The following CNTN1 variants were observed in gnomAD, a reference collection of about 807,000 sequenced individuals.
The protein encoded by CNTN1 is contactin 1.
Under a neutral mutation model 126.4 loss-of-function variants are expected in CNTN1, and 38 were observed. That is an observed-to-expected ratio of 0.30 (90% confidence interval 0.23 to 0.39). The LOEUF is 0.39. CNTN1 is among the 10% of genes least tolerant of loss of function. CNTN1 has a pLI of 1.00. For synonymous variants in CNTN1, 413 were observed against 422.6 expected (o/e 0.98, Z 0.28); for missense variants, 1,009 against 1,248.4 (o/e 0.81, Z 2.89).
Position 40,943,642 on chromosome 12 carries a change from A to T in CNTN1, c.1425A>T (p.Thr475=). Residue 475 remains threonine, a synonymous_variant, in exon 13 of 24, where the codon ACA becomes ACT. Coordinates refer to ENST00000551295, the MANE Select transcript of CNTN1 (RefSeq NM_001843.4). ...GTAGCTTGGAAATCAACAACATTAC[A>T]AGGAATGATGGAGGTATCTATACAT... ...EDGSLEINNI[T]RNDGGIYTCF... The T allele has an allele frequency of 6.2e-7, 1 of 1,602,840 alleles. No homozygotes were observed. The highest frequency in any genetic ancestry group is 8.5e-7 in the Non-Finnish European group (1 of 1,170,046).
intron 18 of CNTN1, among the ~76,000 whole-genome samples, chr12:41,016,353 G>A (rs1948780121): frequency 6.6e-6 from 1 of 152,084 alleles, no homozygotes; most frequent in Admixed American, 6.5e-5. Context: ...CGGAGAAAAC[G>A]TCGAGGTGAT....
At chr12:40,743,647 G>A (rs749967870) in intron 1 of CNTN1, among the ~76,000 whole-genome samples, 4 of 151,878 alleles carry the variant, frequency 2.6e-5, no homozygotes, top group Non-Finnish European at 5.9e-5. Flanking sequence ...GTAATGGGTT[G>A]TTTTGTTTTT....
At chr12:40,935,367 A>T (rs1946045383) in intron 9 of CNTN1, among the ~76,000 whole-genome samples, 1 of 152,130 alleles carries the variant, frequency 6.6e-6, no homozygotes, top group African/African-American at 2.4e-5. Flanking sequence ...TAAAATTTTG[A>T]ACTGTCTAAT....
rs61187240 is a variant in CNTN1, at chr12:40,872,212, T to TTGTGTG, written c.-76-36101_-76-36096dup. On this transcript the variant is annotated intron_variant, in intron 1 of 23. Coordinates refer to ENST00000551295, the MANE Select transcript of CNTN1 (RefSeq NM_001843.4). ...CGGTAGGGTTTTTCCGTTGCTTTGT[T>TTGTGTG]TGTGTGTGTGTGTGTGTGTGTGTGT... Among the ~76,000 whole-genome samples the TTGTGTG allele has an allele frequency of 5.1e-3, 583 of 113,576 alleles. 2 individuals carry two copies. Among genetic ancestry groups the TTGTGTG allele is most frequent in the South Asian group, 0.012 (41 of 3,400 alleles). 74.5% of individuals were successfully genotyped at this position (113,576 alleles called of 152,430 possible).
At chr12:40,710,022 T>C (rs181305095) in intron 1 of CNTN1, among the ~76,000 whole-genome samples, 44 of 152,316 alleles carry the variant, frequency 2.9e-4, no homozygotes, top group African/African-American at 1.0e-3. Flanking sequence ...TTTCTTAGCT[T>C]TCCACATAGC....
chr12:40,831,121 A>T (rs1436943061), intron 1 of CNTN1, among the ~76,000 whole-genome samples: 1 of 146,566 alleles, frequency 6.8e-6, no homozygotes, highest in African/African-American at 2.5e-5. Context: ...TACTATATAT[A>T]CTGTAAATAT....
chr12:40,941,709 T>C (rs899243202), intron 12 of CNTN1, among the ~76,000 whole-genome samples: 2 of 152,074 alleles, frequency 1.3e-5, no homozygotes, highest in African/African-American at 2.4e-5. Flanking sequence ...GGGATCTTCA[T>C]TAGTCTTTTC....
At chr12:40,828,977 T>G (rs7975149) in intron 1 of CNTN1, among the ~76,000 whole-genome samples, 63,741 of 151,918 alleles carry the variant, frequency 0.42, 13,667 homozygotes, top group East Asian at 0.68. Context: ...TTATTTCTTG[T>G]TTTTTTAAAA....
chr12:40,792,326 C>A (rs1200440042), intron 1 of CNTN1, among the ~76,000 whole-genome samples: 1 of 151,974 alleles, frequency 6.6e-6, no homozygotes, highest in South Asian at 2.1e-4. Flanking sequence ...GGAGGCAATG[C>A]TTATTTTACT....
At chr12:40,785,289 C>G (rs1939968443) in intron 1 of CNTN1, among the ~76,000 whole-genome samples, 1 of 152,076 alleles carries the variant, frequency 6.6e-6, no homozygotes, top group African/African-American at 2.4e-5. Flanking sequence ...AAGCATGGTG[C>G]CAGCATCTCC....
intron 1 of CNTN1, among the ~76,000 whole-genome samples, chr12:40,890,722 G>T (rs561112714): frequency 6.6e-6 from 1 of 151,990 alleles, no homozygotes; most frequent in Non-Finnish European, 1.5e-5. Context: ...CCATGGCCTC[G>T]TTGTACCACA....
intron 1 of CNTN1, among the ~76,000 whole-genome samples, chr12:40,855,442 A>AT (rs748388466): frequency 1.3e-4 from 19 of 151,906 alleles, no homozygotes; most frequent in Non-Finnish European, 8.8e-5. Flanking sequence ...ATTTTGTGCC[A>AT]TTTTTTTCTT....
chr12:41,055,837 C>T (rs933300709), intron 23 of CNTN1, among the ~76,000 whole-genome samples: 1 of 152,146 alleles, frequency 6.6e-6, no homozygotes, highest in African/African-American at 2.4e-5. Flanking sequence ...CTTCCTCTCT[C>T]TTCCCTCTCA....
Position 40,933,698 on chromosome 12 carries a change from C to T in CNTN1, c.805C>T (p.Pro269Ser). The part of the protein sequence containing the change: ...VTLECFALGN[P>S]VPDIRWRKVL... ...AACCCTTGTATCTTCTATTTAAAGT[C>T]CTGTTCCGGATATCCGATGGCGGAA... Residue 269 changes from proline (P) to serine (S), a missense_variant and splice_region_variant, in exon 9 of 24, where the codon CCT (proline) becomes TCT (serine). Pro to Ser is a moderately conservative substitution (Grantham distance 74). Transcript: ENST00000551295. 6.2e-7 allele frequency: 1 copy of T among 1,612,504 alleles called. No homozygotes were observed. Among genetic ancestry groups the T allele is most frequent in the Non-Finnish European group, 8.5e-7 (1 of 1,178,900 alleles).
intron 1 of CNTN1, among the ~76,000 whole-genome samples, chr12:40,861,470 A>C (rs1403771965): frequency 6.6e-6 from 1 of 152,146 alleles, no homozygotes; most frequent in Non-Finnish European, 1.5e-5. Context: ...TTCATAAATT[A>C]AGAAAATAAG....
chr12:40,927,606 T>C (rs560232271), intron 6 of CNTN1, among the ~76,000 whole-genome samples: 1 of 152,230 alleles, frequency 6.6e-6, no homozygotes, highest in East Asian at 1.9e-4. Flanking sequence ...CAAATTGCAA[T>C]TATTGTTTTG....
intron 1 of CNTN1, among the ~76,000 whole-genome samples, chr12:40,851,712 A>G (rs958433598): frequency 6.6e-5 from 10 of 151,668 alleles, no homozygotes; most frequent in Non-Finnish European, 1.2e-4. Context: ...ACAGACATCC[A>G]GCAAGGAGGC....
At chr12:40,805,703 CTGTG>C (rs1023433115) in intron 1 of CNTN1, among the ~76,000 whole-genome samples, 8 of 151,720 alleles carry the variant, frequency 5.3e-5, no homozygotes, top group Admixed American at 4.6e-4. Context: ...AAATAGTTTG[CTGTG>C]TGTGTGTATG....
At chr12:40,739,671 A>C (rs1937851492) in intron 1 of CNTN1, among the ~76,000 whole-genome samples, 1 of 152,074 alleles carries the variant, frequency 6.6e-6, no homozygotes, top group Non-Finnish European at 1.5e-5. Context: ...TTTAAGAAAT[A>C]ATTGAAACAA....
Sources: allele counts gnomAD v4.1 joint callset (sites outside exome capture counted in the v4.1 genomes callset), GRCh38; gene constraint gnomAD v4.1.1; transcripts MANE v1.5; gene names NCBI Gene and HGNC (gene_info 2026-07-23, HGNC 2026-07-21).